TMEM132B: variants seen among roughly 807,000 people sequenced by gnomAD.
TMEM132B encodes the protein transmembrane protein 132B.
A neutral mutation model predicts 90.8 loss-of-function variants in TMEM132B; 18 were observed. That is an observed-to-expected ratio of 0.20 (90% CI 0.14 to 0.29). TMEM132B has a LOEUF of 0.29. Among genes scored for constraint, TMEM132B ranks in the 10% least tolerant of loss-of-function variants. The pLI, the probability that TMEM132B is intolerant of heterozygous loss-of-function variation, is 1.00. For missense variants in TMEM132B, 1,096 were observed against 1,326.8 expected (o/e 0.83, Z 2.70); for synonymous variants, 504 against 523.3 (o/e 0.96, Z 0.50).
chr12:125,295,065 A>G (rs1398407240), intron 1 of TMEM132B, among the ~76,000 whole-genome samples: 3 of 152,248 alleles, frequency 2.0e-5, no homozygotes, highest in Non-Finnish European at 2.9e-5. Context: ...CAAAGGCTGC[A>G]GAAGAAAAAA....
intron 3 of TMEM132B, among the ~76,000 whole-genome samples, chr12:125,425,369 CA>C (rs1249220203): frequency 1.3e-5 from 2 of 152,174 alleles, no homozygotes; most frequent in African/African-American, 4.8e-5. Flanking sequence ...CAAATTGCCA[CA>C]TTATCCTTTA....
At chr12:125,359,397 C>G (rs1877890077) in intron 2 of TMEM132B, among the ~76,000 whole-genome samples, 2 of 151,980 alleles carry the variant, frequency 1.3e-5, no homozygotes, top group African/African-American at 4.8e-5. Flanking sequence ...TATATGTAAT[C>G]TATAATATTC....
Position 125,603,759 on chromosome 12 carries a change from A to T in TMEM132B, c.1437+19765A>T, listed in dbSNP as rs138856279. Among the ~76,000 whole-genome samples, 987 of 152,330 alleles carry T rather than the reference A, an allele frequency of 6.5e-3. 12 individuals are homozygous for T. Among genetic ancestry groups the T allele is most frequent in the African/African-American group, 0.023 (940 of 41,576 alleles). ...AACTTAATCAAATTTACAAGAAAAA[A>T]ACAACCCTATTGAAAAGTGGGCAAA... is the stretch of plus-strand genomic sequence containing the variant. On this transcript the variant is annotated intron_variant, in intron 5 of 8. Coordinates refer to ENST00000682704, the MANE Select transcript of TMEM132B (RefSeq NM_001366854.1).
At chr12:125,541,758 G>T (rs749388992) in intron 4 of TMEM132B, among the ~76,000 whole-genome samples, 1 of 151,084 alleles carries the variant, frequency 6.6e-6, no homozygotes, top group Non-Finnish European at 1.5e-5. Context: ...ACGCCTTCAC[G>T]CCTGTAATCC....
intron 1 of TMEM132B, among the ~76,000 whole-genome samples, chr12:125,300,039 G>A (rs1478079899): frequency 1.3e-5 from 2 of 152,208 alleles, no homozygotes; most frequent in African/African-American, 4.8e-5. Context: ...CCCTGCGTGG[G>A]CCGCCACGGG....
At chr12:125,328,976 C>T (rs182551455) in intron 1 of TMEM132B, among the ~76,000 whole-genome samples, 13 of 152,252 alleles carry the variant, frequency 8.5e-5, no homozygotes, top group Admixed American at 8.5e-4. Flanking sequence ...TTAATGGATA[C>T]TGAATGAACC....
chr12:125,546,349 A>AT (rs1884092897), intron 4 of TMEM132B, among the ~76,000 whole-genome samples: 1 of 151,648 alleles, frequency 6.6e-6, no homozygotes, highest in Admixed American at 6.6e-5. Flanking sequence ...CGCCCGGCTA[A>AT]TTTTTTGTAT....
At chr12:125,646,670 A>C (rs1203448500) in intron 6 of TMEM132B, among the ~76,000 whole-genome samples, 1 of 152,246 alleles carries the variant, frequency 6.6e-6, no homozygotes, top group Non-Finnish European at 1.5e-5. Context: ...CCAAATTTTC[A>C]TTAGAACTTA....
At position 125,560,608 on chromosome 12, in the gene TMEM132B, G is replaced by A. The variant is rs181092533; in HGVS notation, c.1294-23243G>A. Among the ~76,000 whole-genome samples, 705 of 151,438 alleles carry A rather than the reference G, an allele frequency of 4.7e-3. 6 individuals carry two copies. Among genetic ancestry groups the A allele is most frequent in the African/African-American group, 0.016 (671 of 41,234 alleles). On this transcript the variant is annotated intron_variant, in intron 4 of 8. Transcript: ENST00000682704. ...GAGGCCGAGGCGGGTGGATCATGAG[G>A]TCAGGAGATCGAGACCATCCTGGCT... is the stretch of plus-strand genomic sequence containing the variant.
chr12:125,225,719 G>A (rs11058074), intron 1 of TMEM132B, among the ~76,000 whole-genome samples: 5,465 of 152,212 alleles, frequency 0.036, 128 homozygotes, highest in Non-Finnish European at 0.049. Context: ...CCTCCGCGGG[G>A]CTTGCAATTC....
intron 1 of TMEM132B, among the ~76,000 whole-genome samples, chr12:125,280,636 C>T (rs1012256527): frequency 6.6e-6 from 1 of 152,220 alleles, no homozygotes; most frequent in Non-Finnish European, 1.5e-5. Flanking sequence ...GCAGATGCTG[C>T]TGCTCCCCTA....
At position 125,186,672 on chromosome 12, in the gene TMEM132B, C is replaced by T. The variant is rs1169430134; in HGVS notation, c.-128C>T. 6.8e-6 allele frequency among the ~76,000 whole-genome samples: 1 copy of T among 146,496 alleles called. No individual in the cohort carries two copies. The highest frequency in any genetic ancestry group is 6.8e-5 in the Admixed American group (1 of 14,756). On this transcript the variant is annotated 5_prime_UTR_variant, in exon 1 of 9. Coordinates refer to ENST00000682704, the MANE Select transcript of TMEM132B (RefSeq NM_001366854.1). This position sits in a 1 kb window ranked among gnomAD's most constrained non-coding sequence, Gnocchi z 6.3. ...GCCGGCGCATGCGTCTGGGGAGGAG[C>T]GGCGCGCTGGGAGCGAGCCATGCCC...
At chr12:125,553,005 A>G (rs2136765608) in intron 4 of TMEM132B, among the ~76,000 whole-genome samples, 1 of 152,380 alleles carries the variant, frequency 6.6e-6, no homozygotes, top group African/African-American at 2.4e-5. Flanking sequence ...CACACTGCTC[A>G]TAGCATGTTT....
At chr12:125,524,961 G>A (rs186869613) in intron 4 of TMEM132B, among the ~76,000 whole-genome samples, 9 of 152,278 alleles carry the variant, frequency 5.9e-5, no homozygotes, top group Admixed American at 4.6e-4. Flanking sequence ...TCTCATTCTT[G>A]AAGGTGAATG....
intron 4 of TMEM132B, among the ~76,000 whole-genome samples, chr12:125,546,084 A>G (rs961255596): frequency 6.6e-6 from 1 of 152,162 alleles, no homozygotes; most frequent in Middle Eastern, 3.2e-3. Context: ...AAGAAACAGA[A>G]CATACCCATC....
chr12:125,285,769 TC>T (rs1875335044), intron 1 of TMEM132B, among the ~76,000 whole-genome samples: 1 of 152,162 alleles, frequency 6.6e-6, no homozygotes, highest in South Asian at 2.1e-4. Flanking sequence ...CCCATCATAC[TC>T]CAGGGCCTGG....
At chr12:125,609,753 G>T (rs1251860051) in intron 5 of TMEM132B, among the ~76,000 whole-genome samples, 1 of 142,660 alleles carries the variant, frequency 7.0e-6, no homozygotes, top group African/African-American at 2.6e-5. Flanking sequence ...GGAGGCGGAG[G>T]TTGCAGTGAG....
At chr12:125,620,851 T>C (rs1337561114) in intron 5 of TMEM132B, among the ~76,000 whole-genome samples, 1 of 152,188 alleles carries the variant, frequency 6.6e-6, no homozygotes, top group African/African-American at 2.4e-5. Context: ...AATAGCAGCA[T>C]GAGAGTAACT....
At chr12:125,485,891 C>T (rs985759803) in intron 3 of TMEM132B, among the ~76,000 whole-genome samples, 17 of 152,166 alleles carry the variant, frequency 1.1e-4, no homozygotes, top group African/African-American at 4.1e-4. Context: ...GAGTCCACCT[C>T]GATGTCTTTT....
Sources: allele counts gnomAD v4.1 joint callset (sites outside exome capture counted in the v4.1 genomes callset), GRCh38; gene constraint gnomAD v4.1.1; non-coding constraint Gnocchi (gnomAD v3.1); transcripts MANE v1.5; gene names NCBI Gene and HGNC (gene_info 2026-07-23, HGNC 2026-07-21).